PREX1: variants seen among roughly 807,000 people sequenced by gnomAD.
The protein encoded by PREX1 is phosphatidylinositol-3,4,5-trisphosphate dependent Rac exchange factor 1, also known as phosphatidylinositol 3,4,5-trisphosphate-dependent Rac exchanger 1 protein.
In PREX1, 41 loss-of-function variants were observed where a neutral mutation model predicts 198.3. The ratio of observed to expected loss-of-function variants is 0.21; its 90% confidence interval spans 0.16 to 0.27. PREX1 has a LOEUF of 0.27. Ranked by LOEUF, PREX1 falls within the 10% of genes least tolerant of loss-of-function variation. The pLI is 1.00. For missense variants in PREX1, 1,620 were observed against 2,200.7 expected (o/e 0.74, Z 5.28); for synonymous variants, 843 against 887.2 (o/e 0.95, Z 0.89).
the PREX1 span, among the ~76,000 whole-genome samples, chr20:48,862,315 C>T: frequency 1.3e-5 from 2 of 152,304 alleles, no homozygotes; most frequent in Admixed American, 6.5e-5. Flanking sequence ...CTGACATCAT[C>T]ATCCCTTGAA....
chr20:48,880,260 AGGT>A, the PREX1 span, among the ~76,000 whole-genome samples: 2 of 152,188 alleles, frequency 1.3e-5, no homozygotes, highest in Non-Finnish European at 2.9e-5. Context: ...TCAATACATG[AGGT>A]GGTCAAGGAG....
chr20:48,725,256 A>G (rs897913653), intron 5 of PREX1, among the ~76,000 whole-genome samples: 17 of 152,246 alleles, frequency 1.1e-4, no homozygotes, highest in African/African-American at 3.4e-4. Flanking sequence ...ATCCCCCCAC[A>G]GGGAACCTAA....
At chr20:48,883,699 C>T in the PREX1 span, among the ~76,000 whole-genome samples, 1 of 152,040 alleles carries the variant, frequency 6.6e-6, no homozygotes, top group African/African-American at 2.4e-5. Flanking sequence ...AAAACTTATG[C>T]TGTGAAGACT....
intron 3 of PREX1, 38 bp from the exon 4 acceptor site, chr20:48,734,688 T>C: frequency 6.3e-7 from 1 of 1,587,812 alleles, no homozygotes; most frequent in Non-Finnish European, 8.6e-7. Flanking sequence ...AGGCAGGTCA[T>C]GGTAGCAGGC....
intron 15 of PREX1, among the ~76,000 whole-genome samples, chr20:48,660,271 G>C (rs2089580319): frequency 6.6e-6 from 1 of 152,226 alleles, no homozygotes; most frequent in African/African-American, 2.4e-5. Context: ...TGAAAAGTCT[G>C]AACTTGCCTC....
At chr20:48,785,630 T>C (rs1407163565) in intron 1 of PREX1, among the ~76,000 whole-genome samples, 2 of 152,184 alleles carry the variant, frequency 1.3e-5, no homozygotes, top group Admixed American at 6.5e-5. Flanking sequence ...GGACACCCCC[T>C]CTCACCCTAC....
At chr20:48,825,864 C>T (rs2090506397) in intron 1 of PREX1, among the ~76,000 whole-genome samples, 3 of 125,108 alleles carry the variant, frequency 2.4e-5, no homozygotes, top group Admixed American at 1.8e-4. Flanking sequence ...TCCCCCACCC[C>T]CCACCCCCGA....
intron 30 of PREX1, 71 bp from the exon 31 acceptor site, chr20:48,637,823 GC>G: frequency 7.0e-7 from 1 of 1,428,314 alleles, no homozygotes; most frequent in Non-Finnish European, 9.7e-7. Context: ...GCAGAACCGG[GC>G]CCCTCCCCAT....
At chr20:48,866,878 G>A in the PREX1 span, among the ~76,000 whole-genome samples, 2 of 151,962 alleles carry the variant, frequency 1.3e-5, no homozygotes, top group African/African-American at 2.4e-5. Context: ...GCAGTTAGCC[G>A]AGATCACCCC....
intron 2 of PREX1, 103 bp downstream of exon 2, chr20:48,747,706 T>C: frequency 1.5e-6 from 2 of 1,303,272 alleles, no homozygotes; most frequent in African/African-American, 1.5e-5. Context: ...CAGCGGGTGA[T>C]GCGCCTCCCC....
the PREX1 span, among the ~76,000 whole-genome samples, chr20:48,843,456 A>G: frequency 6.6e-6 from 1 of 152,202 alleles, no homozygotes; most frequent in Non-Finnish European, 1.5e-5. Context: ...AAGAAGAGAA[A>G]TAAATGCTGG....
intron 24 of PREX1, 40 bp downstream of exon 24, chr20:48,649,956 C>T: frequency 6.2e-7 from 1 of 1,603,290 alleles, no homozygotes; most frequent in Non-Finnish European, 8.5e-7. Flanking sequence ...ATCTGGAGTG[C>T]AACATCTGAA....
intron 1 of PREX1, among the ~76,000 whole-genome samples, chr20:48,763,463 T>C (rs1439183959): frequency 6.6e-6 from 1 of 152,182 alleles, no homozygotes; most frequent in East Asian, 1.9e-4. Flanking sequence ...TCCTTGTGCC[T>C]GTCTGCAGCA....
At chr20:48,629,265 C>T (rs888304857) in intron 37 of PREX1, among the ~76,000 whole-genome samples, 184 bp downstream of exon 37, 1 of 152,208 alleles carries the variant, frequency 6.6e-6, no homozygotes, top group Admixed American at 6.5e-5. Flanking sequence ...GCTAGGACCA[C>T]CTGCTGCTGC....
At chr20:48,649,275 C>T (rs772720977) in intron 25 of PREX1, 25 bp downstream of exon 25, 1 of 1,602,372 alleles carries the variant, frequency 6.2e-7, no homozygotes, top group Non-Finnish European at 8.5e-7. Context: ...CCTGCTCACG[C>T]CGGACACCCC....
At position 48,661,468 on chromosome 20, in the gene PREX1, T is replaced by TAC. The variant is rs778376565; in HGVS notation, c.1739-1409_1739-1408dup. ...AAATATATATATATATATATATATA[T>TAC]ACACACACATATATATAATATAATA... is the stretch of plus-strand genomic sequence containing the variant. On this transcript the variant is annotated intron_variant, in intron 15 of 39. Coordinates refer to ENST00000371941, the MANE Select transcript of PREX1 (RefSeq NM_020820.4). Among the ~76,000 whole-genome samples, 356 of 76,694 alleles carry TAC rather than the reference T, an allele frequency of 4.6e-3. 7 individuals carry two copies. The highest frequency in any genetic ancestry group is 0.018 in the South Asian group (34 of 1,940). The allele number at this position is 76,694 out of a possible 152,430, so 50.3% of individuals were successfully genotyped here. A position where few individuals can be genotyped will look rare whatever the true frequency, so the allele number is the denominator to read the frequency against.
At chr20:48,748,748 G>A (rs11086263) in intron 1 of PREX1, among the ~76,000 whole-genome samples, 10,761 of 152,300 alleles carry the variant, frequency 0.071, 469 homozygotes, top group South Asian at 0.18. Flanking sequence ...GGCTGCGGGA[G>A]CCGAGGGTGC....
In PREX1 at chr20:48,681,277, T is replaced by G; in HGVS notation, c.1393A>C (p.Asn465His). ...GEISKTEEGV[N>H]LGQALLENGI... ...TTCTCCAACAGGGCTTGGCCCAAGT[T>G]GACTCCTTCTTCCGTCTTGCTGATT... is the stretch of plus-strand genomic sequence containing the variant. Residue 465 changes from asparagine (N) to histidine (H), a missense_variant, in exon 11 of 40, where the codon AAC becomes CAC. By Grantham distance (68) the Asn-to-His change is moderately conservative. Around this residue, in one of 7 missense-constraint regions of PREX1, gnomAD observed 488 missense variants for 802.5 expected, o/e 0.61. Transcript: ENST00000371941. 6.2e-7 allele frequency: 1 copy of G among 1,614,198 alleles called. No individual in the cohort carries two copies. Among genetic ancestry groups the G allele is most frequent in the Non-Finnish European group, 8.5e-7 (1 of 1,180,042 alleles).
intron 5 of PREX1, among the ~76,000 whole-genome samples, chr20:48,725,219 G>A (rs935915566): frequency 2.6e-5 from 4 of 152,214 alleles, no homozygotes; most frequent in South Asian, 4.1e-4. Flanking sequence ...GAGCAGGTGC[G>A]TGAATGAGGC....
Sources: allele counts gnomAD v4.1 joint callset (sites outside exome capture counted in the v4.1 genomes callset), GRCh38; gene constraint gnomAD v4.1.1; regional missense constraint gnomAD v4.1.1; transcripts MANE v1.5; gene names NCBI Gene and HGNC (gene_info 2026-07-23, HGNC 2026-07-21).